The following ERC2 variants were observed in gnomAD, a reference collection of about 807,000 sequenced individuals.
ERC2 encodes ELKS/RAB6-interacting/CAST family member 2.
ERC2 carries 42 observed loss-of-function variants against 114.8 expected under a neutral mutation model. The observed-to-expected ratio is 0.37, with a 90% CI of 0.29 to 0.47. The LOEUF is 0.47. Among genes scored for constraint, ERC2 ranks in the 20% least tolerant of loss-of-function variants. ERC2 has a pLI of 0.99. For missense variants in ERC2, 939 were observed against 1,150.7 expected (o/e 0.82, Z 2.66); for synonymous variants, 454 against 425.5 (o/e 1.07, Z -0.82).
At chr3:56,419,747 C>T (rs547718841) in intron 2 of ERC2, among the ~76,000 whole-genome samples, 2 of 152,250 alleles carry the variant, frequency 1.3e-5, no homozygotes, top group African/African-American at 4.8e-5. Flanking sequence ...TCTAAATATC[C>T]TGAGATGCCC....
At chr3:56,191,360 TCCCCAGCATG>T (rs1260893140) in intron 3 of ERC2, among the ~76,000 whole-genome samples, 2 of 152,012 alleles carry the variant, frequency 1.3e-5, no homozygotes, top group Admixed American at 6.5e-5. Context: ...CTGACCTAGC[TCCCCAGCATG>T]CAGCATACCC....
rs1189297385 is a variant in ERC2, at chr3:56,043,828, A to G, written c.1642-24797T>C. Among the ~76,000 whole-genome samples the G allele has an allele frequency of 2.6e-5, 4 of 152,154 alleles. 1 individual carries two copies. The highest frequency in any genetic ancestry group is 2.0e-4 in the Admixed American group (3 of 15,246). On this transcript the variant is annotated intron_variant, in intron 7 of 17. Transcript: ENST00000288221. ...ACTAACTTTAAAATTCAAACACATCATCTAATCTTTGACTATTTAAATAAT... is the reference window on the plus strand; with the variant it reads ...ACTAACTTTAAAATTCAAACACATCGTCTAATCTTTGACTATTTAAATAAT...
intron 14 of ERC2, among the ~76,000 whole-genome samples, chr3:55,770,621 T>A (rs2068123511): frequency 6.6e-6 from 1 of 152,222 alleles, no homozygotes; most frequent in Admixed American, 6.5e-5. Flanking sequence ...TTTAATTTTT[T>A]AATTTTTTTA....
intron 17 of ERC2, among the ~76,000 whole-genome samples, chr3:55,566,764 T>A (rs753659205): frequency 6.6e-6 from 1 of 151,838 alleles, no homozygotes; most frequent in Non-Finnish European, 1.5e-5. Context: ...AGTGGTGCAA[T>A]CTTGGCTCAC....
chr3:55,538,762 T>C (rs1398435381), intron 17 of ERC2, among the ~76,000 whole-genome samples: 1 of 152,340 alleles, frequency 6.6e-6, no homozygotes, highest in Non-Finnish European at 1.5e-5. Context: ...ACCGATTGTT[T>C]CTTTTCCACC....
chr3:55,704,752 C>G (rs815439), intron 15 of ERC2, among the ~76,000 whole-genome samples: 81,615 of 152,022 alleles, frequency 0.54, 22,950 homozygotes, highest in South Asian at 0.73. Flanking sequence ...AGGAATGTGC[C>G]GCATTGGGGA....
At chr3:55,714,663 G>GTATATATATA (rs2063983166) in intron 15 of ERC2, among the ~76,000 whole-genome samples, 1 of 92,252 alleles carries the variant, frequency 1.1e-5, no homozygotes, top group Non-Finnish European at 2.0e-5. Context: ...GTGTGTGTGT[G>GTATATATATA]TGTGTATATA....
chr3:55,576,507 A>G (rs1001891922), intron 17 of ERC2, among the ~76,000 whole-genome samples: 3 of 152,216 alleles, frequency 2.0e-5, no homozygotes, highest in Non-Finnish European at 4.4e-5. Flanking sequence ...GCAGTGATGC[A>G]GCAGGGCTCA....
intron 6 of ERC2, among the ~76,000 whole-genome samples, chr3:56,126,513 TG>T (rs2149874488): frequency 6.6e-6 from 1 of 152,228 alleles, no homozygotes; most frequent in South Asian, 2.1e-4. Flanking sequence ...AACCCAACAC[TG>T]TGAGAGGTTG....
Position 55,952,178 on chromosome 3 carries a change from C to A in ERC2, c.2268-1618G>T, listed in dbSNP as rs1347905601. On this transcript the variant is annotated intron_variant, in intron 12 of 17. Transcript: ENST00000288221. Reference sequence around the variant, plus strand: ...ACACACACACACACACACACACACACACTCTCTCTCTCTCTCTCTCTATAT... The same window carrying A: ...ACACACACACACACACACACACACAAACTCTCTCTCTCTCTCTCTCTATAT... 4.8e-4 allele frequency among the ~76,000 whole-genome samples: 20 copies of A among 41,782 alleles called. 1 individual carries two copies. In the East Asian group the frequency reaches 9.7e-3, roughly 20 times the overall value. 27.4% of individuals were successfully genotyped at this position (41,782 alleles called of 152,430 possible).
In ERC2 at chr3:55,583,391, CTT is replaced by C. The variant is rs1559692193; in HGVS notation, c.*40-72117_*40-72116del. On this transcript the variant is annotated intron_variant, in intron 17 of 17. Transcript: ENST00000288221. ...CCTGCCTTCTTTCCTTCTTTCTTTC[CTT>C]CCTTCTTTCCTTCCTTCCTTCCTTC... Among the ~76,000 whole-genome samples the C allele has an allele frequency of 1.1e-3, 147 of 131,614 alleles. 1 individual carries two copies. In the South Asian group the frequency reaches 0.015, roughly 13 times the overall value. 86.3% of individuals were successfully genotyped at this position (131,614 alleles called of 152,430 possible). A position where few individuals can be genotyped will look rare whatever the true frequency, so the allele number is the denominator to read the frequency against.
chr3:55,549,059 C>T (rs114500796), intron 17 of ERC2, among the ~76,000 whole-genome samples: 1,757 of 152,254 alleles, frequency 0.012, 39 homozygotes, highest in African/African-American at 0.039. Flanking sequence ...AAAGTAACTC[C>T]GGTTTTAAAA....
chr3:55,645,053 A>G (rs985695443), intron 17 of ERC2, among the ~76,000 whole-genome samples: 11 of 152,212 alleles, frequency 7.2e-5, no homozygotes, highest in African/African-American at 2.7e-4. Context: ...AACCTGGAAG[A>G]GGGTACTTGT....
chr3:56,364,802 G>A (rs2059089683), intron 2 of ERC2, among the ~76,000 whole-genome samples: 1 of 152,188 alleles, frequency 6.6e-6, no homozygotes, highest in African/African-American at 2.4e-5. Flanking sequence ...CATGGTGGTG[G>A]AATGCCAGAA....
rs368144626 is a variant in ERC2, at chr3:55,992,051, A to C, written c.2255+6T>G. 1.2e-6 allele frequency: 2 copies of C among 1,610,770 alleles called. No homozygotes were observed. Among genetic ancestry groups the C allele is most frequent in the Non-Finnish European group, 1.7e-6 (2 of 1,178,456 alleles). On this transcript the variant is annotated splice_donor_region_variant and intron_variant, in intron 11 of 17. Transcript: ENST00000288221. ...TGCCAACAATTTATATAACTGTAAA[A>C]TTTACCTCTCCAGTTCTGCGATCTT...
chr3:55,763,898 T>C (rs1363337020), intron 14 of ERC2, among the ~76,000 whole-genome samples: 2 of 152,192 alleles, frequency 1.3e-5, no homozygotes, highest in African/African-American at 2.4e-5. Context: ...AGCACAATAT[T>C]ACAGATATTT....
intron 1 of ERC2, among the ~76,000 whole-genome samples, chr3:56,459,323 A>G (rs2063205426): frequency 6.6e-6 from 1 of 152,206 alleles, no homozygotes; most frequent in South Asian, 2.1e-4. Context: ...TTCTTAAAGA[A>G]CAGTCACATT....
At chr3:55,872,824 C>T (rs529185163) in intron 14 of ERC2, among the ~76,000 whole-genome samples, 8 of 152,146 alleles carry the variant, frequency 5.3e-5, no homozygotes, top group Non-Finnish European at 7.4e-5. Flanking sequence ...ACTAATACAC[C>T]GGCTCAAGGT....
intron 7 of ERC2, among the ~76,000 whole-genome samples, chr3:56,068,187 G>A (rs1365200260): frequency 1.3e-5 from 2 of 151,958 alleles, no homozygotes; most frequent in African/African-American, 2.4e-5. Flanking sequence ...TTTGGTTGGC[G>A]GGCTATTTAT....
Sources: allele counts gnomAD v4.1 joint callset (sites outside exome capture counted in the v4.1 genomes callset), GRCh38; gene constraint gnomAD v4.1.1; transcripts MANE v1.5; gene names NCBI Gene and HGNC (gene_info 2026-07-23, HGNC 2026-07-21).